SLC20A2: variants seen among roughly 807,000 people sequenced by gnomAD.
The protein encoded by SLC20A2 is solute carrier family 20 member 2.
In SLC20A2, 30 loss-of-function variants were observed where a neutral mutation model predicts 61.0. The observed-to-expected ratio is 0.49, with a 90% CI of 0.37 to 0.67. The LOEUF is 0.67. Among genes scored for constraint, SLC20A2 ranks in the 30% least tolerant of loss-of-function variants. SLC20A2 has a pLI of 0.00. For synonymous variants in SLC20A2, 351 were observed against 353.3 expected (o/e 0.99, Z 0.07); for missense variants, 626 against 866.4 (o/e 0.72, Z 3.48).
intron 10 of SLC20A2, among the ~76,000 whole-genome samples, chr8:42,420,135 G>A (rs1381450849): frequency 2.0e-5 from 3 of 151,206 alleles, no homozygotes; most frequent in South Asian, 2.1e-4. Flanking sequence ...GCAGTGAGCC[G>A]AGATGGCACC....
At chr8:42,439,379 G>A in intron 7 of SLC20A2, 71 bp downstream of exon 7, 1 of 1,474,152 alleles carries the variant, frequency 6.8e-7, no homozygotes, top group Non-Finnish European at 9.3e-7. Flanking sequence ...CCCACACCCA[G>A]GCCCAGCTGG....
At chr8:42,460,515 C>G (rs1199291368) in intron 4 of SLC20A2, among the ~76,000 whole-genome samples, 1 of 152,214 alleles carries the variant, frequency 6.6e-6, no homozygotes, top group Non-Finnish European at 1.5e-5. Context: ...TGCATCTTAG[C>G]TATGTTACCA....
At chr8:42,483,276 C>T (rs1808690689) in intron 1 of SLC20A2, among the ~76,000 whole-genome samples, 1 of 151,746 alleles carries the variant, frequency 6.6e-6, no homozygotes, top group African/African-American at 2.4e-5. Flanking sequence ...GAGGCTGAGG[C>T]GGAGGCATTG....
At chr8:42,514,171 T>C (rs903538967) in intron 1 of SLC20A2, among the ~76,000 whole-genome samples, 5 of 152,170 alleles carry the variant, frequency 3.3e-5, no homozygotes, top group African/African-American at 7.2e-5. Context: ...GCAATAATAA[T>C]TGGGTCCAGG....
intron 8 of SLC20A2, among the ~76,000 whole-genome samples, chr8:42,433,110 C>T (rs374309306): frequency 3.7e-4 from 57 of 152,214 alleles, no homozygotes; most frequent in African/African-American, 1.2e-3. Flanking sequence ...AATTTACCAT[C>T]GTAATCATTC....
chr8:42,444,852 G>T, intron 5 of SLC20A2, 90 bp from the exon 6 acceptor site: 1 of 824,024 alleles, frequency 1.2e-6, no homozygotes, highest in Non-Finnish European at 2.0e-6. Context: ...CCCAAATCGA[G>T]AACGAATCAC....
At chr8:42,468,078 ATT>A (rs1416770767) in intron 2 of SLC20A2, among the ~76,000 whole-genome samples, 3 of 151,730 alleles carry the variant, frequency 2.0e-5, no homozygotes, top group Non-Finnish European at 4.4e-5. Context: ...AATTTTTTGT[ATT>A]TTTAGTAGAG....
chr8:42,495,596 A>C (rs1430034960), intron 1 of SLC20A2, among the ~76,000 whole-genome samples: 1 of 152,232 alleles, frequency 6.6e-6, no homozygotes, highest in Non-Finnish European at 1.5e-5. Flanking sequence ...AAAGATTGAA[A>C]GACTGAATAG....
chr8:42,483,084 G>A (rs998427744), intron 1 of SLC20A2, among the ~76,000 whole-genome samples: 15 of 151,686 alleles, frequency 9.9e-5, no homozygotes, highest in African/African-American at 2.7e-4. Flanking sequence ...AGTGGCTCAC[G>A]CCTGTAATCC....
chr8:42,434,766 G>C (rs948964683), intron 8 of SLC20A2, among the ~76,000 whole-genome samples: 13 of 152,170 alleles, frequency 8.5e-5, no homozygotes, highest in African/African-American at 2.9e-4. Flanking sequence ...CAAAGCCCCA[G>C]AATAGTCCCC....
chr8:42,526,704 G>A (rs1811981202), intron 1 of SLC20A2, among the ~76,000 whole-genome samples: 1 of 151,360 alleles, frequency 6.6e-6, no homozygotes, highest in Non-Finnish European at 1.5e-5. Flanking sequence ...CACAGCCAAT[G>A]ACTGAAATCT....
intron 1 of SLC20A2, among the ~76,000 whole-genome samples, chr8:42,482,691 C>T (rs1458182048): frequency 6.6e-6 from 1 of 152,108 alleles, no homozygotes; most frequent in African/African-American, 2.4e-5. Flanking sequence ...CACTGCACTC[C>T]AGCCTGGACA....
intron 1 of SLC20A2, among the ~76,000 whole-genome samples, chr8:42,486,156 G>C (rs567802932): frequency 5.3e-4 from 81 of 152,176 alleles, no homozygotes; most frequent in Middle Eastern, 3.4e-3. Flanking sequence ...GTGTGTGTGT[G>C]TGTGTGTGTG....
At chr8:42,463,560 C>T (rs924846018) in intron 3 of SLC20A2, among the ~76,000 whole-genome samples, 4 of 152,206 alleles carry the variant, frequency 2.6e-5, no homozygotes, top group Admixed American at 2.0e-4. Flanking sequence ...AACTTTTAGC[C>T]TCTAGCCAAG....
At chr8:42,534,776 C>T (rs554327537) in intron 1 of SLC20A2, 1 of 152,280 alleles carries the variant, frequency 6.6e-6, no homozygotes, top group South Asian at 2.1e-4. Flanking sequence ...AGCAATTCAG[C>T]ACACGACACC....
chr8:42,534,445 C>A (rs893864658), intron 1 of SLC20A2, among the ~76,000 whole-genome samples: 2 of 152,066 alleles, frequency 1.3e-5, no homozygotes, highest in African/African-American at 4.8e-5. Flanking sequence ...GAAAATAGAA[C>A]ATAGAGATTA....
At chr8:42,516,635 T>G (rs1811335822) in intron 1 of SLC20A2, among the ~76,000 whole-genome samples, 1 of 152,234 alleles carries the variant, frequency 6.6e-6, no homozygotes, top group African/African-American at 2.4e-5. Context: ...CTGGTCTTCC[T>G]ATTCCCTGAT....
intron 4 of SLC20A2, among the ~76,000 whole-genome samples, chr8:42,461,470 T>TTA (rs1370850254): frequency 1.3e-5 from 2 of 151,414 alleles, no homozygotes; most frequent in African/African-American, 4.9e-5. Flanking sequence ...TTTTTTTTTT[T>TTA]AGACAGAGTC....
At chr8:42,483,846 C>T (rs1481242246) in intron 1 of SLC20A2, among the ~76,000 whole-genome samples, 1 of 152,192 alleles carries the variant, frequency 6.6e-6, no homozygotes, top group Non-Finnish European at 1.5e-5. Context: ...AAAATACTTT[C>T]CCTTCAGAGA....
Sources: gnomAD v4.1 joint callset for allele counts (sites outside exome capture counted in the v4.1 genomes callset) on GRCh38, gnomAD v4.1.1 for gene constraint, MANE v1.5 for transcripts, NCBI Gene and HGNC (gene_info 2026-07-23, HGNC 2026-07-21) for gene names.